The following LAMTOR5 variants were observed in gnomAD, a reference collection of about 807,000 sequenced individuals.
LAMTOR5 encodes late endosomal/lysosomal adaptor, MAPK and MTOR activator 5, also known as ragulator complex protein LAMTOR5.
In LAMTOR5, 8 loss-of-function variants were observed where a neutral mutation model predicts 12.1. That is an observed-to-expected ratio of 0.66 (90% CI 0.39 to 1.19). LAMTOR5 has a LOEUF of 1.19. Among genes scored for constraint, LAMTOR5 ranks in the 50% most tolerant of loss-of-function variants. The pLI is 0.01. For synonymous variants in LAMTOR5, 37 were observed against 41.9 expected, an observed-to-expected ratio of 0.88 and a Z score of 0.45; for missense variants, 110 against 112.8, an observed-to-expected ratio of 0.97 and a Z score of 0.11.
At chr1:110,404,154 G>C (rs1217210528) in intron 2 of LAMTOR5, 118 bp from the exon 3 acceptor site, 2 of 1,422,248 alleles carry the variant, frequency 1.4e-6, no homozygotes, top group Non-Finnish European at 1.9e-6. Flanking sequence ...GTCTGTATTA[G>C]TCTGTATATA....
Position 110,401,584 on chromosome 1 carries a change from C to T in LAMTOR5, c.216-1G>A. ...ATCGTGTTTCTGGATCATAATGTTC[C>T]TGAAATGCAGGAAGAAAATATTCAG... On this transcript the variant is annotated splice_acceptor_variant, in intron 3 of 3. Coordinates refer to ENST00000602318, the MANE Select transcript of LAMTOR5 (RefSeq NM_001382293.1). LOFTEE classifies it high-confidence loss of function. 1 of 1,601,324 alleles carries T rather than the reference C, an allele frequency of 6.2e-7. No individual in the cohort carries two copies. Among genetic ancestry groups the T allele is most frequent in the South Asian group, 1.1e-5 (1 of 90,278 alleles).
rs1458212816 is a variant in LAMTOR5 at position 110,402,209 on chromosome 1, GATA to G, written c.216-629_216-627del. On this transcript the variant is annotated intron_variant, in intron 3 of 3. Transcript: ENST00000602318. ...CAATTATGTACAGTACGTAACGCTT[GATA>G]ATAATAAATGACTATGCTATGGTTT... Among the ~76,000 whole-genome samples, 5 of 152,222 alleles carry G rather than the reference GATA, an allele frequency of 3.3e-5. No homozygotes were observed. In the East Asian group the frequency reaches 5.8e-4, roughly 18 times the overall value.
intron 3 of LAMTOR5, 112 bp downstream of exon 3, chr1:110,403,807 T>C (rs1414229932): frequency 6.8e-7 from 1 of 1,470,980 alleles, no homozygotes; most frequent in Non-Finnish European, 9.0e-7. Context: ...TTAAGAACTT[T>C]TCCCAAAGTA....
intron 3 of LAMTOR5, among the ~76,000 whole-genome samples, chr1:110,403,085 T>G (rs1249673902): frequency 4.6e-5 from 7 of 152,244 alleles, no homozygotes; most frequent in Non-Finnish European, 8.8e-5. Context: ...CAATACAGCC[T>G]AGGTGTGTAA....
At position 110,401,430 on chromosome 1, in the gene LAMTOR5, G is replaced by A. The variant is rs1174946119; in HGVS notation, c.*93C>T. 2 of 1,375,028 alleles carry A rather than the reference G, an allele frequency of 1.5e-6. No individual in the cohort carries two copies. The highest frequency in any genetic ancestry group is 1.4e-5 in the African/African-American group (1 of 70,014). 85.2% of individuals were successfully genotyped at this position (1,375,028 alleles called of 1,614,324 possible). On this transcript the variant is annotated 3_prime_UTR_variant, in exon 4 of 4. Coordinates refer to ENST00000602318, the MANE Select transcript of LAMTOR5 (RefSeq NM_001382293.1). ...GTGCCTAATGCACATTAAATGAATG[G>A]CCTAACTACTGGAACTTTAGTAGTT...
chr1:110,407,148 A>T, intron 1 of LAMTOR5: 1 of 615,388 alleles, frequency 1.6e-6, no homozygotes, highest in East Asian at 2.8e-5. Flanking sequence ...CGAAAAATTT[A>T]AAGAATGATT....
chr1:110,403,080 C>A (rs995872293), intron 3 of LAMTOR5, among the ~76,000 whole-genome samples: 10 of 152,316 alleles, frequency 6.6e-5, no homozygotes, highest in Admixed American at 2.0e-4. Context: ...AAGAGCAATA[C>A]AGCCTAGGTG....
intron 1 of LAMTOR5, 180 bp from the exon 2 acceptor site, chr1:110,406,559 T>G: frequency 2.3e-6 from 1 of 436,664 alleles, no homozygotes; most frequent in South Asian, 2.9e-5. Flanking sequence ...GCGCGGTTGC[T>G]CACGCCTGTA....
rs370269794 is a variant in LAMTOR5 at position 110,402,548 on chromosome 1, C to A, written c.216-965G>T. On this transcript the variant is annotated intron_variant, in intron 3 of 3. Coordinates refer to ENST00000602318, the MANE Select transcript of LAMTOR5 (RefSeq NM_001382293.1). ...AGTGTGAGCCACCATGCCGGGCCTA[C>A]TTTTTATCATTATTTTAGAGTATAC... Among the ~76,000 whole-genome samples the A allele has an allele frequency of 7.2e-5, 11 of 152,156 alleles. No individual in the cohort carries two copies. In the South Asian group the frequency reaches 2.3e-3, roughly 32 times the overall value.
intron 2 of LAMTOR5, among the ~76,000 whole-genome samples, chr1:110,405,845 G>C (rs1315715296): frequency 6.6e-6 from 1 of 152,190 alleles, no homozygotes; most frequent in Non-Finnish European, 1.5e-5. Context: ...GCAAGGGATT[G>C]AGACCAGGTA....
At chr1:110,407,488 G>A (rs1043919821) in intron 1 of LAMTOR5, 98 bp downstream of exon 1, 2 of 1,441,550 alleles carry the variant, frequency 1.4e-6, no homozygotes, top group Non-Finnish European at 1.9e-6. Flanking sequence ...CGACGTCCCC[G>A]AGACGCCCTG....
Position 110,401,368 on chromosome 1 carries a change from G to GC in LAMTOR5, c.*154dup, listed in dbSNP as rs565612226. The GC allele has an allele frequency of 1.6e-4, 106 of 643,376 alleles. No individual in the cohort carries two copies. Among genetic ancestry groups the GC allele is most frequent in the Non-Finnish European group, 2.6e-4 (102 of 388,424 alleles). 39.9% of individuals were successfully genotyped at this position (643,376 alleles called of 1,614,324 possible). A position where few individuals can be genotyped will look rare whatever the true frequency, so the allele number is the denominator to read the frequency against. ...AATATCTTGATAGTCGGTCCATAGAGCATTAGAAAGCAATTGACTCTTAAA... is the reference window on the plus strand; with the variant it reads ...AATATCTTGATAGTCGGTCCATAGAGCCATTAGAAAGCAATTGACTCTTAAA... On this transcript the variant is annotated 3_prime_UTR_variant, in exon 4 of 4. Transcript: ENST00000602318.
chr1:110,403,740 G>T, intron 3 of LAMTOR5, 179 bp downstream of exon 3: 1 of 795,782 alleles, frequency 1.3e-6, no homozygotes, highest in Non-Finnish European at 1.8e-6. Flanking sequence ...ATAGCATTGT[G>T]GCCTGAGAGC....
chr1:110,403,949 A>G lies in LAMTOR5; in HGVS notation c.185T>C (p.Ile62Thr), dbSNP rs777984013. 4.3e-6 allele frequency: 7 copies of G among 1,614,238 alleles called. No homozygotes were observed. In the South Asian group the frequency reaches 4.4e-5, roughly 10 times the overall value. Reference protein sequence around the residue: ...AAKLTSDPTDIPVVCLESDNG... With the variant: ...AAKLTSDPTDTPVVCLESDNG... ...ATCTGATTCTAGACACACCACAGGA[A>G]TATCAGTGGGGTCAGAGGTTAGCTT... The change falls in exon 3 of 4, where the codon ATT becomes ACT. Residue 62 changes from isoleucine to threonine, a missense_variant. Coordinates refer to ENST00000602318, the MANE Select transcript of LAMTOR5 (RefSeq NM_001382293.1).
Position 110,401,483 on chromosome 1 carries a change from C to A in LAMTOR5, c.*40G>T. ...ATAAGGTAATTAACATAGGTAGGAT[C>A]CAGTTCCTATGACAGGCTGCTGAAG... On this transcript the variant is annotated 3_prime_UTR_variant, in exon 4 of 4. Coordinates refer to ENST00000602318, the MANE Select transcript of LAMTOR5 (RefSeq NM_001382293.1). 1.3e-6 allele frequency: 2 copies of A among 1,586,044 alleles called. No individual in the cohort carries two copies. The highest frequency in any genetic ancestry group is 1.1e-5 in the South Asian group (1 of 88,838).
intron 3 of LAMTOR5, among the ~76,000 whole-genome samples, chr1:110,402,457 G>A (rs560192878): frequency 9.4e-4 from 143 of 152,202 alleles, no homozygotes; most frequent in African/African-American, 3.3e-3. Flanking sequence ...ATGTTGGTTA[G>A]GCTGTCTCAC....
chr1:110,406,990 A>G, intron 1 of LAMTOR5: 4 of 674,400 alleles, frequency 5.9e-6, no homozygotes, highest in Non-Finnish European at 1.1e-5. Context: ...CGCATGTTTT[A>G]GTACTAACTC....
intron 2 of LAMTOR5, 89 bp from the exon 3 acceptor site, chr1:110,404,125 G>A (rs1308641382): frequency 2.6e-6 from 4 of 1,541,892 alleles, no homozygotes; most frequent in Non-Finnish European, 3.5e-6. Context: ...AATGTCTACA[G>A]AATTGTCTTT....
At position 110,404,184 on chromosome 1, in the gene LAMTOR5, G is replaced by A; in HGVS notation, c.98-148C>T. The A allele has an allele frequency of 5.8e-6, 7 of 1,197,706 alleles. No homozygotes were observed. The South Asian group carries it at 6.7e-5, about 11-fold the overall frequency. 74.2% of individuals were successfully genotyped at this position (1,197,706 alleles called of 1,614,324 possible). Reference sequence around the variant, plus strand: ...TATATATTATAGTAACTAAATCTCGGGTACAAAAGTACCTATAAATTCTAG... The same window carrying A: ...TATATATTATAGTAACTAAATCTCGAGTACAAAAGTACCTATAAATTCTAG... On this transcript the variant is annotated intron_variant, in intron 2 of 3. Coordinates refer to ENST00000602318, the MANE Select transcript of LAMTOR5 (RefSeq NM_001382293.1).
Sources: gnomAD v4.1 joint callset for allele counts (sites outside exome capture counted in the v4.1 genomes callset) on GRCh38, gnomAD v4.1.1 for gene constraint, MANE v1.5 for transcripts, NCBI Gene and HGNC (gene_info 2026-07-23, HGNC 2026-07-21) for gene names.